Variants in CSMD1 observed in about 807,000 individuals in gnomAD.
CSMD1 encodes the protein CUB and sushi domain-containing protein 1.
A neutral mutation model predicts 417.5 loss-of-function variants in CSMD1; 213 were observed. The observed-to-expected ratio is 0.51, with a 90% CI of 0.46 to 0.57. The LOEUF is 0.57. Ranked by LOEUF, CSMD1 falls within the 20% of genes least tolerant of loss-of-function variation. The probability of loss-of-function intolerance (pLI) is 0.00; values close to 1 mark genes in which losing one functional copy is unlikely to be tolerated. For missense variants in CSMD1, 6,923 were observed against 4,529.7 expected (o/e 1.53, Z -15.17); for synonymous variants, 2,862 against 1,736.8 (o/e 1.65, Z -16.11).
At chr8:3,649,802 T>C (rs1464465480) in intron 7 of CSMD1, among the ~76,000 whole-genome samples, 1 of 152,216 alleles carries the variant, frequency 6.6e-6, no homozygotes, top group African/African-American at 2.4e-5. Flanking sequence ...GTGGTCTTAT[T>C]ACAATGTAAG....
chr8:3,600,114 G>C (rs1289897816), intron 8 of CSMD1, among the ~76,000 whole-genome samples: 1 of 152,166 alleles, frequency 6.6e-6, no homozygotes, highest in African/African-American at 2.4e-5. Flanking sequence ...AGAGAGCGAG[G>C]AATTAATTTA....
chr8:4,467,393 C>A (rs1006490453), intron 2 of CSMD1, among the ~76,000 whole-genome samples: 1 of 152,152 alleles, frequency 6.6e-6, no homozygotes, highest in Non-Finnish European at 1.5e-5. Flanking sequence ...CCCTGCTCAT[C>A]TCCTCCATTT....
At chr8:3,864,482 T>C (rs372065959) in intron 5 of CSMD1, among the ~76,000 whole-genome samples, 1 of 152,170 alleles carries the variant, frequency 6.6e-6, no homozygotes, top group African/African-American at 2.4e-5. Flanking sequence ...ACTTTTTTTA[T>C]TATACTTTAA....
chr8:3,532,167 A>G (rs771298996), intron 10 of CSMD1, among the ~76,000 whole-genome samples: 25 of 152,194 alleles, frequency 1.6e-4, no homozygotes, highest in East Asian at 1.2e-3. Context: ...TGTTTCTCCT[A>G]TGAAATTTCT....
chr8:4,191,151 C>T (rs1302390759), intron 3 of CSMD1, among the ~76,000 whole-genome samples: 1 of 152,154 alleles, frequency 6.6e-6, no homozygotes, highest in East Asian at 1.9e-4. Context: ...AATCCCAGCA[C>T]TTTGGGAGGC....
chr8:3,087,177 A>G lies in CSMD1; in HGVS notation c.7394T>C (p.Met2465Thr), dbSNP rs1476829663. 6 of 1,613,886 alleles carry G rather than the reference A, an allele frequency of 3.7e-6. No homozygotes were observed. The African/African-American group carries it at 4.0e-5, about 11-fold the overall frequency. ...VHYFCKPGYRMVGHSNATCRR... is the reference protein window; with the variant it reads ...VHYFCKPGYRTVGHSNATCRR... ...ACAGGTTGCATTGCTGTGGCCGACC[A>G]TTCGGTATCCAGGCTTGCAAAAATA... The change falls in exon 49 of 70, where the codon ATG (methionine) becomes ACG (threonine). Residue 2465 changes from methionine (M) to threonine (T), a missense_variant. By Grantham distance (81) the Met-to-Thr change is moderately conservative (BLOSUM62 -1). Transcript: ENST00000635120.
intron 41 of CSMD1, among the ~76,000 whole-genome samples, chr8:3,134,526 G>A (rs1475231633): frequency 1.3e-5 from 2 of 152,210 alleles, no homozygotes; most frequent in Admixed American, 1.3e-4. Flanking sequence ...AACTGTGATC[G>A]GAGTTTTCCC....
chr8:3,944,247 G>C (rs1005573561), intron 5 of CSMD1, among the ~76,000 whole-genome samples: 1 of 152,094 alleles, frequency 6.6e-6, no homozygotes, highest in African/African-American at 2.4e-5. Flanking sequence ...TTTTTAAAAG[G>C]TGTCTCCTTC....
intron 2 of CSMD1, among the ~76,000 whole-genome samples, chr8:4,594,057 C>T (rs1800131094): frequency 1.3e-5 from 2 of 152,198 alleles, no homozygotes; most frequent in South Asian, 2.1e-4. Flanking sequence ...CATCAGTCTC[C>T]TCCATCTTTA....
At chr8:3,996,825 A>T (rs1815257822) in intron 5 of CSMD1, among the ~76,000 whole-genome samples, 1 of 152,262 alleles carries the variant, frequency 6.6e-6, no homozygotes. Context: ...AATAGGAATC[A>T]TCAGCATTGA....
chr8:4,138,398 A>C (rs150198183), intron 3 of CSMD1, among the ~76,000 whole-genome samples: 3 of 152,106 alleles, frequency 2.0e-5, no homozygotes, highest in Non-Finnish European at 4.4e-5. Flanking sequence ...TTGCCTCCTT[A>C]CGTCCAGTTC....
intron 7 of CSMD1, among the ~76,000 whole-genome samples, chr8:3,689,504 C>T (rs1188468723): frequency 6.6e-6 from 1 of 152,210 alleles, no homozygotes. Flanking sequence ...TCTCACTCTG[C>T]TCATACATTT....
intron 2 of CSMD1, among the ~76,000 whole-genome samples, chr8:4,623,888 G>C (rs768316085): frequency 6.6e-6 from 1 of 152,110 alleles, no homozygotes; most frequent in Non-Finnish European, 1.5e-5. Context: ...AGTTTTGTGG[G>C]TGATAGAAAT....
chr8:3,939,446 G>C (rs1274255276), intron 5 of CSMD1, among the ~76,000 whole-genome samples: 2 of 152,088 alleles, frequency 1.3e-5, no homozygotes, highest in African/African-American at 2.4e-5. Context: ...ATGAAAGACA[G>C]TACGGAGATT....
chr8:4,450,183 C>A (rs1209335787), intron 2 of CSMD1, among the ~76,000 whole-genome samples: 1 of 152,266 alleles, frequency 6.6e-6, no homozygotes, highest in African/African-American at 2.4e-5. Context: ...TAAAACCGAA[C>A]TGGGCAACAA....
chr8:4,155,025 C>T (rs1445944090), intron 3 of CSMD1, among the ~76,000 whole-genome samples: 1 of 152,206 alleles, frequency 6.6e-6, no homozygotes, highest in East Asian at 1.9e-4. Context: ...TAAACCTCAT[C>T]ACAGAACCTA....
At chr8:3,394,012 T>TAAATTATATA (rs1554536992) in intron 17 of CSMD1, among the ~76,000 whole-genome samples, 23 of 31,576 alleles carry the variant, frequency 7.3e-4, no homozygotes, top group East Asian at 1.6e-3. Flanking sequence ...AAAAAATAAA[T>TAAATTATATA]TATATATATA....
intron 7 of CSMD1, among the ~76,000 whole-genome samples, chr8:3,637,757 G>T (rs549340123): frequency 6.6e-6 from 1 of 152,168 alleles, no homozygotes; most frequent in South Asian, 2.1e-4. Flanking sequence ...ATCTCATCTT[G>T]AATTGTAGCT....
At chr8:4,269,161 A>G (rs902933812) in intron 3 of CSMD1, among the ~76,000 whole-genome samples, 7 of 152,126 alleles carry the variant, frequency 4.6e-5, no homozygotes, top group Non-Finnish European at 1.0e-4. Flanking sequence ...GGTTTAAACC[A>G]TGGTCCTGCC....
Sources: gnomAD v4.1 joint callset for allele counts (sites outside exome capture counted in the v4.1 genomes callset) on GRCh38, gnomAD v4.1.1 for gene constraint, MANE v1.5 for transcripts, NCBI Gene and HGNC (gene_info 2026-07-23, HGNC 2026-07-21) for gene names.